Variants in PIBF1 observed in about 807,000 individuals in gnomAD.
The protein encoded by PIBF1 is progesterone-induced-blocking factor 1.
A neutral mutation model predicts 112.5 loss-of-function variants in PIBF1; 90 were observed. The ratio of observed to expected loss-of-function variants is 0.80; its 90% confidence interval spans 0.67 to 0.95. PIBF1 has a LOEUF of 0.95. Among genes scored for constraint, PIBF1 ranks in the 40% least tolerant of loss-of-function variants. The pLI, the probability that PIBF1 is intolerant of heterozygous loss-of-function variation, is 0.00. For missense variants in PIBF1, 915 were observed against 852.3 expected (o/e 1.07, Z -0.92); for synonymous variants, 301 against 288.6 (o/e 1.04, Z -0.44).
At chr13:72,902,972 T>TGC (rs1376882214) in intron 11 of PIBF1, among the ~76,000 whole-genome samples, 2 of 151,886 alleles carry the variant, frequency 1.3e-5, no homozygotes, top group Non-Finnish European at 2.9e-5. Context: ...CTCGGCTCAC[T>TGC]GCGACCTCTG....
intron 9 of PIBF1, among the ~76,000 whole-genome samples, chr13:72,838,040 T>C (rs564325842): frequency 6.6e-6 from 1 of 152,298 alleles, no homozygotes; most frequent in African/African-American, 2.4e-5. Context: ...CTCTGAAAGT[T>C]CAAAATGCAG....
chr13:72,950,621 A>G (rs894487252), intron 14 of PIBF1, among the ~76,000 whole-genome samples: 3 of 152,236 alleles, frequency 2.0e-5, no homozygotes, highest in Non-Finnish European at 4.4e-5. Context: ...CATAAGAAAT[A>G]AAGTATGTTT....
intron 17 of PIBF1, among the ~76,000 whole-genome samples, chr13:73,002,126 G>A (rs1034003131): frequency 3.9e-5 from 6 of 152,158 alleles, no homozygotes; most frequent in African/African-American, 1.2e-4. Flanking sequence ...CTTAAGGACA[G>A]AAACTGTATT....
At chr13:72,809,590 TTTTTTTTTTTTTTTTTTTGGA>T (rs2035906487) in intron 5 of PIBF1, among the ~76,000 whole-genome samples, 1 of 56,230 alleles carries the variant, frequency 1.8e-5, no homozygotes, top group Non-Finnish European at 5.7e-5. Context: ...TTTTTTTTGG[TTTTTTTTTTTTTTTTTTTGGA>T]GATGGAGTTT....
At chr13:72,954,789 T>C (rs778418829) in intron 14 of PIBF1, among the ~76,000 whole-genome samples, 19 of 152,346 alleles carry the variant, frequency 1.2e-4, no homozygotes, top group Non-Finnish European at 2.2e-4. Context: ...TCAGTTCTTC[T>C]GTTAAATTCT....
At chr13:72,940,451 C>T (rs1171863516) in intron 14 of PIBF1, among the ~76,000 whole-genome samples, 1 of 151,962 alleles carries the variant, frequency 6.6e-6, no homozygotes, top group Non-Finnish European at 1.5e-5. Context: ...TTTTTATATT[C>T]TTGCCTACTA....
chr13:72,929,852 C>T (rs1324074522), intron 13 of PIBF1, among the ~76,000 whole-genome samples: 2 of 151,854 alleles, frequency 1.3e-5, no homozygotes, highest in African/African-American at 4.8e-5. Context: ...TGATATTTAA[C>T]ACTATTTATT....
chr13:72,898,178 T>C (rs1239396899), intron 11 of PIBF1, among the ~76,000 whole-genome samples: 1 of 152,032 alleles, frequency 6.6e-6, no homozygotes, highest in African/African-American at 2.4e-5. Context: ...ATCACACAAA[T>C]ACATGGAAGT....
At position 72,996,097 on chromosome 13, in the gene PIBF1, G is replaced by C. The variant is rs865936350; in HGVS notation, c.2050-2725G>C. On this transcript the variant is annotated intron_variant, in intron 16 of 17. Coordinates refer to ENST00000326291, the MANE Select transcript of PIBF1 (RefSeq NM_006346.4). ...ACAAAAAAAAAAAAGCGGGGGGGGG[G>C]GGTCATAAACAAAGTCAAGTAAGAG... 2.7e-5 allele frequency among the ~76,000 whole-genome samples: 3 copies of C among 112,714 alleles called. No homozygotes were observed. In the East Asian group the frequency reaches 9.8e-4, roughly 37 times the overall value. 73.9% of individuals were successfully genotyped at this position (112,714 alleles called of 152,430 possible).
intron 9 of PIBF1, among the ~76,000 whole-genome samples, chr13:72,849,750 A>G (rs993288302): frequency 6.6e-6 from 1 of 152,238 alleles, no homozygotes; most frequent in African/African-American, 2.4e-5. Flanking sequence ...GCAGCATAGT[A>G]TGATTCACAG....
chr13:72,996,735 C>T (rs779212797), intron 16 of PIBF1, among the ~76,000 whole-genome samples: 1 of 151,566 alleles, frequency 6.6e-6, no homozygotes, highest in Non-Finnish European at 1.5e-5. Flanking sequence ...CCATAGCACT[C>T]TAGCATGGAC....
chr13:72,828,982 C>A (rs1225372891), intron 8 of PIBF1, among the ~76,000 whole-genome samples: 1 of 152,110 alleles, frequency 6.6e-6, no homozygotes, highest in African/African-American at 2.4e-5. Flanking sequence ...GTCTAACTGG[C>A]GTGAGATGGT....
chr13:72,870,848 A>G (rs544431831), intron 10 of PIBF1, among the ~76,000 whole-genome samples: 1 of 152,040 alleles, frequency 6.6e-6, no homozygotes, highest in African/African-American at 2.4e-5. Context: ...AAAAACAGAT[A>G]ATTCATTCAC....
chr13:72,927,968 T>TATATACACACAC, intron 13 of PIBF1, among the ~76,000 whole-genome samples: 1 of 122,474 alleles, frequency 8.2e-6, no homozygotes, highest in Admixed American at 9.0e-5. Flanking sequence ...TACACATATA[T>TATATACACACAC]ATATATATAC....
At chr13:72,984,802 G>T (rs1272226575) in intron 16 of PIBF1, among the ~76,000 whole-genome samples, 4 of 151,756 alleles carry the variant, frequency 2.6e-5, no homozygotes, top group African/African-American at 9.7e-5. Flanking sequence ...AAATATCTTT[G>T]TTGTATCCTA....
In PIBF1 at chr13:72,843,400, G is replaced by A. The variant is rs1391311347; in HGVS notation, c.1223+8032G>A. On this transcript the variant is annotated intron_variant, in intron 9 of 17. Transcript: ENST00000326291. ...GTCAGAGTGATTGGTGATAAGGCATGGCCATTAGCTCCAGAATGCAGACTT... is the reference window on the plus strand; with the variant it reads ...GTCAGAGTGATTGGTGATAAGGCATAGCCATTAGCTCCAGAATGCAGACTT... Among the ~76,000 whole-genome samples, 3 of 152,170 alleles carry A rather than the reference G, an allele frequency of 2.0e-5. No homozygotes were observed. In the South Asian group the frequency reaches 6.2e-4, roughly 31 times the overall value.
intron 14 of PIBF1, among the ~76,000 whole-genome samples, chr13:72,933,384 G>A (rs1348148479): frequency 3.9e-5 from 6 of 152,296 alleles, no homozygotes; most frequent in African/African-American, 1.2e-4. Context: ...TAAAGAAGCC[G>A]GGTGCACTGG....
At chr13:72,888,362 T>G (rs2039936739) in intron 10 of PIBF1, among the ~76,000 whole-genome samples, 1 of 152,150 alleles carries the variant, frequency 6.6e-6, no homozygotes, top group Non-Finnish European at 1.5e-5. Context: ...GAGAATAATA[T>G]CAAATATTGG....
intron 10 of PIBF1, among the ~76,000 whole-genome samples, chr13:72,865,810 T>C (rs191989097): frequency 9.9e-5 from 15 of 152,264 alleles, no homozygotes; most frequent in African/African-American, 3.4e-4. Context: ...AAGCATAATA[T>C]GTGTGAAGTT....
Sources: allele counts gnomAD v4.1 joint callset (sites outside exome capture counted in the v4.1 genomes callset), GRCh38; gene constraint gnomAD v4.1.1; transcripts MANE v1.5; gene names NCBI Gene and HGNC (gene_info 2026-07-23, HGNC 2026-07-21).